GSTO2: variants seen among roughly 807,000 people sequenced by gnomAD.
The protein encoded by GSTO2 is glutathione S-transferase omega-2.
GSTO2 carries 23 observed loss-of-function variants against 28.4 expected under a neutral mutation model. The ratio of observed to expected loss-of-function variants is 0.81; its 90% CI spans 0.58 to 1.15. GSTO2 has a LOEUF of 1.15. Ranked by LOEUF, GSTO2 falls within the 50% of genes most tolerant of loss-of-function variation. The pLI, the probability that GSTO2 is intolerant of heterozygous loss-of-function variation, is 0.00. For missense variants in GSTO2, 298 were observed against 297.8 expected (o/e 1.00, Z 0.00); for synonymous variants, 109 against 111.0 (o/e 0.98, Z 0.11).
chr10:104,286,145 A>T (rs1328572520), intron 5 of GSTO2, among the ~76,000 whole-genome samples: 1 of 152,206 alleles, frequency 6.6e-6, no homozygotes, highest in East Asian at 1.9e-4. Context: ...TGTACAATTC[A>T]CTGGCTTTTA....
rs901007810 is a variant in GSTO2 at position 104,285,867 on chromosome 10, T to G, written c.468+6396T>G. The G allele has an allele frequency of 2.1e-5, 6 of 282,734 alleles. No individual in the cohort carries two copies. The Admixed American group carries it at 2.4e-4, about 11-fold the overall frequency. 17.5% of individuals were successfully genotyped at this position (282,734 alleles called of 1,614,324 possible). On this transcript the variant is annotated intron_variant, in intron 5 of 6. Coordinates refer to ENST00000338595, the MANE Select transcript of GSTO2 (RefSeq NM_183239.2). ...TAGTTTTGCTTTTGCTCTTTCTTAATTTTTATTAATTTCCAGTGATGAAAT... is the reference window on the plus strand; with the variant it reads ...TAGTTTTGCTTTTGCTCTTTCTTAAGTTTTATTAATTTCCAGTGATGAAAT...
intron 5 of GSTO2, among the ~76,000 whole-genome samples, chr10:104,284,018 GTTTT>G (rs202161194): frequency 7.5e-6 from 1 of 133,604 alleles, no homozygotes; most frequent in Non-Finnish European, 1.6e-5. Context: ...AACTTTTTAA[GTTTT>G]TTTTTTTTTT....
intron 1 of GSTO2, among the ~76,000 whole-genome samples, chr10:104,270,699 AC>A (rs1365091284): frequency 6.6e-6 from 1 of 152,242 alleles, no homozygotes; most frequent in Non-Finnish European, 1.5e-5. Flanking sequence ...ATAAGGGAAC[AC>A]CCAGTAATAT....
chr10:104,271,859 A>G (rs2011423775), intron 1 of GSTO2, among the ~76,000 whole-genome samples: 1 of 152,264 alleles, frequency 6.6e-6, no homozygotes, highest in Admixed American at 6.5e-5. Context: ...TGGAATTCCC[A>G]GTTTGGCCAT....
chr10:104,275,193 C>A, intron 2 of GSTO2, 33 bp from the exon 3 acceptor site: 1 of 1,590,620 alleles, frequency 6.3e-7, no homozygotes. Flanking sequence ...CTAGCCTCTC[C>A]TTTCCCTGTC....
chr10:104,287,000 A>G (rs1353500913), intron 5 of GSTO2, among the ~76,000 whole-genome samples: 1 of 152,166 alleles, frequency 6.6e-6, no homozygotes, highest in African/African-American at 2.4e-5. Flanking sequence ...TCTGCTATGT[A>G]TATTTTATGT....
intron 3 of GSTO2, 26 bp downstream of exon 3, chr10:104,275,360 C>T: frequency 1.2e-6 from 2 of 1,609,382 alleles, no homozygotes; most frequent in Non-Finnish European, 1.7e-6. Flanking sequence ...CCAGAGCCCC[C>T]GAGCAAACCC....
chr10:104,284,413 T>C (rs1043053037), intron 5 of GSTO2, among the ~76,000 whole-genome samples: 2 of 152,214 alleles, frequency 1.3e-5, no homozygotes, highest in Non-Finnish European at 2.9e-5. Context: ...GTGCTTGTTA[T>C]ATAACCACAT....
intron 5 of GSTO2, chr10:104,291,189 G>A (rs1210396554): frequency 6.6e-6 from 1 of 152,218 alleles, no homozygotes; most frequent in African/African-American, 2.4e-5. Context: ...GGGGGGCAGA[G>A]AGTAGGGGAT....
intron 3 of GSTO2, among the ~76,000 whole-genome samples, chr10:104,275,828 A>G (rs558126296): frequency 3.9e-5 from 6 of 152,326 alleles, no homozygotes; most frequent in African/African-American, 1.4e-4. Context: ...TTCATGAGCT[A>G]GGAGAGAGCC....
chr10:104,293,458 C>A (rs1218575687), intron 5 of GSTO2, among the ~76,000 whole-genome samples: 2 of 151,708 alleles, frequency 1.3e-5, no homozygotes, highest in Admixed American at 6.6e-5. Context: ...GATGGGGTCT[C>A]ACCCTGTTGC....
chr10:104,285,872 A>G, intron 5 of GSTO2: 1 of 285,100 alleles, frequency 3.5e-6, no homozygotes, highest in South Asian at 2.9e-5. Context: ...CTTAATTTTT[A>G]TTAATTTCCA....
chr10:104,299,215 C>T lies in GSTO2; in HGVS notation c.663C>T (p.Ser221=), dbSNP rs1291062323. 6.2e-7 allele frequency: 1 copy of T among 1,614,182 alleles called. No homozygotes were observed. The highest frequency in any genetic ancestry group is 1.7e-5 in the Admixed American group (1 of 60,024). ...TCTGTGCTCTTCTCATGGATAAGAG[C>T]ATTTTCCAGGGCTTCTTGAATCTCT... ...PTVCALLMDK[S]IFQGFLNLYF... Residue 221 remains serine, a synonymous_variant, in exon 7 of 7, where the codon AGC becomes AGT. Transcript: ENST00000338595.
chr10:104,298,062 A>G (rs1213573889), intron 6 of GSTO2, among the ~76,000 whole-genome samples: 4 of 152,180 alleles, frequency 2.6e-5, no homozygotes, highest in Non-Finnish European at 5.9e-5. Flanking sequence ...AACCTTAGTC[A>G]TGTCTCATTG....
intron 5 of GSTO2, among the ~76,000 whole-genome samples, chr10:104,287,926 C>T (rs777702077): frequency 6.7e-5 from 9 of 134,052 alleles, no homozygotes; most frequent in Admixed American, 8.2e-5. Flanking sequence ...CTCGCTCTGT[C>T]GCCCAGGCTG....
intron 3 of GSTO2, 151 bp downstream of exon 3, chr10:104,275,485 C>A: frequency 1.5e-6 from 1 of 653,010 alleles, no homozygotes. Flanking sequence ...AAAGGGCGAG[C>A]TTTTTTTTAG....
Position 104,299,216 on chromosome 10 carries a change from A to G in GSTO2, c.664A>G (p.Ile222Val), listed in dbSNP as rs768689612. Reference protein sequence around the residue: ...TVCALLMDKSIFQGFLNLYFQ... With the variant: ...TVCALLMDKSVFQGFLNLYFQ... ...CTGTGCTCTTCTCATGGATAAGAGCATTTTCCAGGGCTTCTTGAATCTCTA... is the reference window on the plus strand; with the variant it reads ...CTGTGCTCTTCTCATGGATAAGAGCGTTTTCCAGGGCTTCTTGAATCTCTA... The change falls in exon 7 of 7, where the codon ATT becomes GTT. Residue 222 changes from isoleucine to valine, a missense_variant. Ile to Val is a conservative substitution (Grantham distance 29). Coordinates refer to ENST00000338595, the MANE Select transcript of GSTO2 (RefSeq NM_183239.2). 6.2e-7 allele frequency: 1 copy of G among 1,614,090 alleles called. No individual in the cohort carries two copies. The highest frequency in any genetic ancestry group is 1.7e-5 in the Admixed American group (1 of 60,020).
At chr10:104,280,322 C>A (rs2011958997) in intron 5 of GSTO2, among the ~76,000 whole-genome samples, 1 of 152,054 alleles carries the variant, frequency 6.6e-6, no homozygotes, top group African/African-American at 2.4e-5. Flanking sequence ...CTCAAAATAA[C>A]AAGATAGCTG....
Position 104,277,945 on chromosome 10 carries a change from A to G in GSTO2, c.195A>G (p.Thr65=). Residue 65 remains threonine, a synonymous_variant, in exon 4 of 7, where the codon ACA becomes ACG. Coordinates refer to ENST00000338595, the MANE Select transcript of GSTO2 (RefSeq NM_183239.2). ...NLRNKPEWYY[T]KHPFGHIPVL... is the part of the protein sequence containing the mutation. The stretch of plus-strand genomic sequence containing the variant: ...GAAACAAGCCTGAATGGTACTATAC[A>G]AAGCACCCTTTTGGCCACATTCCTG... 3 of 1,614,138 alleles carry G rather than the reference A, an allele frequency of 1.9e-6. No individual in the cohort carries two copies. Among genetic ancestry groups the G allele is most frequent in the Non-Finnish European group, 2.5e-6 (3 of 1,179,988 alleles).
Sources: allele counts gnomAD v4.1 joint callset (sites outside exome capture counted in the v4.1 genomes callset), GRCh38; gene constraint gnomAD v4.1.1; transcripts MANE v1.5; gene names NCBI Gene and HGNC (gene_info 2026-07-23, HGNC 2026-07-21).